Variants in ZNF831 observed in about 807,000 individuals in gnomAD.
The protein encoded by ZNF831 is zinc finger protein 831, also known as chromosome 20 open reading frame 174.
A neutral mutation model predicts 95.8 loss-of-function variants in ZNF831; 59 were observed. The observed-to-expected ratio is 0.62, with a 90% CI of 0.50 to 0.77. The LOEUF is 0.77. ZNF831 is among the 30% of genes least tolerant of loss of function. The pLI, the probability that ZNF831 is intolerant of heterozygous loss-of-function variation, is 0.00. For synonymous variants in ZNF831, 961 were observed against 925.5 expected, an observed-to-expected ratio of 1.04 and a Z score of -0.70; for missense variants, 2,205 against 2,164.0, an observed-to-expected ratio of 1.02 and a Z score of -0.38.
In ZNF831 at chr20:59,258,956, C is replaced by T. The variant is rs932216818; in HGVS notation, c.*4213C>T. On this transcript the variant is annotated 3_prime_UTR_variant, in exon 6 of 6. Coordinates refer to ENST00000371030, the MANE Select transcript of ZNF831 (RefSeq NM_178457.3). ...TGCCACTTGGAGCACTAGAGGATGA[C>T]GGAATGTCTTGTATATGCGGTCAAC... 1.3e-5 allele frequency: 2 copies of T among 152,180 alleles called. No homozygotes were observed. Among genetic ancestry groups the T allele is most frequent in the Non-Finnish European group, 2.9e-5 (2 of 68,034 alleles). The allele number at this position is 152,180 out of a possible 1,614,324, so 9.4% of individuals were successfully genotyped here.
chr20:59,234,111 T>G (rs1986879128), intron 4 of ZNF831, among the ~76,000 whole-genome samples: 1 of 152,244 alleles, frequency 6.6e-6, no homozygotes, highest in African/African-American at 2.4e-5. Context: ...AGGGGTGCAG[T>G]GCTGTTGGCA....
chr20:59,200,845 T>C (rs962392950), intron 3 of ZNF831, among the ~76,000 whole-genome samples: 3 of 152,128 alleles, frequency 2.0e-5, no homozygotes, highest in African/African-American at 4.8e-5. Context: ...TAGTATGCCA[T>C]TGAGTGAGTA....
chr20:59,230,804 T>C (rs775221681), intron 4 of ZNF831, among the ~76,000 whole-genome samples: 1 of 152,228 alleles, frequency 6.6e-6, no homozygotes, highest in Non-Finnish European at 1.5e-5. Context: ...CACATTACCA[T>C]GGTATTAAGT....
chr20:59,157,091 T>C (rs982970174), intron 2 of ZNF831, among the ~76,000 whole-genome samples: 3 of 152,162 alleles, frequency 2.0e-5, no homozygotes, highest in Non-Finnish European at 4.4e-5. Flanking sequence ...CTGATTATAC[T>C]CTTTTAATTT....
At chr20:59,239,437 G>A (rs534448081) in intron 4 of ZNF831, among the ~76,000 whole-genome samples, 23 of 151,980 alleles carry the variant, frequency 1.5e-4, no homozygotes, top group East Asian at 5.8e-4. Context: ...AAGATTTCTC[G>A]AATACATTTT....
intron 4 of ZNF831, among the ~76,000 whole-genome samples, chr20:59,249,017 C>T (rs186070959): frequency 1.1e-4 from 16 of 152,332 alleles, no homozygotes; most frequent in African/African-American, 3.8e-4. Context: ...CATCATCTTG[C>T]CCCTGCCCCT....
chr20:59,166,111 T>C (rs986152431), intron 1 of ZNF831, among the ~76,000 whole-genome samples: 2 of 152,166 alleles, frequency 1.3e-5, no homozygotes, highest in Non-Finnish European at 2.9e-5. Flanking sequence ...TTTCCAGATA[T>C]GGTAAATGGT....
At chr20:59,230,990 A>G (rs1156317268) in intron 4 of ZNF831, among the ~76,000 whole-genome samples, 1 of 152,032 alleles carries the variant, frequency 6.6e-6, no homozygotes, top group African/African-American at 2.4e-5. Flanking sequence ...TGCTCTCTTC[A>G]CCATAGGTTT....
chr20:59,194,249 G>A lies in ZNF831; in HGVS notation c.3230G>A (p.Arg1077His), dbSNP rs748163220. The A allele has an allele frequency of 2.8e-5, 45 of 1,613,888 alleles. No homozygotes were observed. In the East Asian group the frequency reaches 8.9e-4, roughly 32 times the overall value. Residue 1077 changes from arginine to histidine, a missense_variant, in exon 2 of 6, where the codon CGC (arginine) becomes CAC (histidine). By Grantham distance (29) the Arg-to-His change is conservative (BLOSUM62 0). Transcript: ENST00000371030. ...DMEGDSHRIH[R>H]LCMGSTLARA... ...GAGGGTGACAGCCACCGTATCCATC[G>A]CCTCTGCATGGGCAGCACTTTGGCA...
At position 59,154,453 on chromosome 20, in the gene ZNF831, C is replaced by G. The variant is rs1601305577; in HGVS notation, c.-1280-5199C>G. Among the ~76,000 whole-genome samples the G allele has an allele frequency of 2.0e-5, 3 of 152,310 alleles. 1 individual carries two copies. In the South Asian group the frequency reaches 6.2e-4, roughly 32 times the overall value. On this transcript the variant is annotated intron_variant, in intron 2 of 7. Coordinates refer to the ZNF831 transcript ENST00000637017. ...GCCGAAGCGGTCTCTACCCCAATCC[C>G]CTGCGATTGGTACCTCCTTTTCCTT... is the stretch of plus-strand genomic sequence containing the variant.
rs58754928 is a variant in ZNF831 at position 59,150,882 on chromosome 20, C to T, written c.-1281+4508C>T. Among the ~76,000 whole-genome samples the T allele has an allele frequency of 1.9e-3, 296 of 152,206 alleles. 2 individuals carry two copies. The highest frequency in any genetic ancestry group is 3.1e-3 in the Non-Finnish European group (214 of 68,006). ...ACTCGCTGGCTGTGGGCGGGCGGGC[C>T]GTGCCAGCTTCAGAGGAGCAGTAAT... On this transcript the variant is annotated intron_variant, in intron 2 of 7. Transcript: ENST00000637017.
chr20:59,137,589 G>A (rs184897295), intron 1 of ZNF831, among the ~76,000 whole-genome samples: 2 of 152,272 alleles, frequency 1.3e-5, no homozygotes, highest in African/African-American at 4.8e-5. Flanking sequence ...ACAGGGTTAG[G>A]GATTCTTGTG....
At chr20:59,173,022 A>C (rs929091310) in intron 1 of ZNF831, among the ~76,000 whole-genome samples, 1 of 152,172 alleles carries the variant, frequency 6.6e-6, no homozygotes, top group Non-Finnish European at 1.5e-5. Flanking sequence ...GGTTCTGAGA[A>C]GGATCAGTAT....
At position 59,192,664 on chromosome 20, in the gene ZNF831, A is replaced by G. The variant is rs529368847; in HGVS notation, c.1645A>G (p.Ser549Gly). ...PARLGCRSGL[S>G]STDVPSGHPR... ...CCGCCTGGGCTGCCGCTCGGGACTA[A>G]GCTCGACTGACGTTCCCAGTGGGCA... Residue 549 changes from serine (S) to glycine (G), a missense_variant, in exon 2 of 6, where the codon AGC (serine) becomes GGC (glycine). By Grantham distance (56) the Ser-to-Gly change is moderately conservative. Transcript: ENST00000371030. The surrounding 1 kb of genome is among the most constrained non-coding windows in gnomAD (Gnocchi z 5.2). 186 of 1,537,922 alleles carry G rather than the reference A, an allele frequency of 1.2e-4. 1 individual carries two copies. In the South Asian group the frequency reaches 1.5e-3, roughly 13 times the overall value.
chr20:59,191,328 C>G lies in ZNF831; in HGVS notation c.309C>G (p.Thr103=), dbSNP rs147425916. The G allele has an allele frequency of 8.0e-3, 12,814 of 1,602,942 alleles. 91 individuals carry two copies. Among genetic ancestry groups the G allele is most frequent in the Non-Finnish European group, 8.7e-3 (10,195 of 1,174,892 alleles). The change falls in exon 2 of 6, where the codon ACC becomes ACG. Residue 103 remains threonine, a synonymous_variant. Transcript: ENST00000371030. The part of the protein sequence containing the change: ...PVLQPEGPGP[T]QVGKPAAPTL... ...TGCAGCCTGAAGGGCCTGGCCCCAC[C>G]CAGGTGGGGAAGCCGGCGGCCCCTA...
chr20:59,191,718 G>T lies in ZNF831; in HGVS notation c.699G>T (p.Arg233Ser). The change falls in exon 2 of 6, where the codon AGG (arginine) becomes AGT (serine). Residue 233 changes from arginine to serine, a missense_variant. Physicochemically the swap from Arg to Ser is moderately radical, Grantham distance 110. Coordinates refer to ENST00000371030, the MANE Select transcript of ZNF831 (RefSeq NM_178457.3). ...PPRPEGRGES[R>S]CQGMHEGASE... ...GACCAGAGGGCAGGGGCGAGAGCAG[G>T]TGCCAGGGGATGCACGAAGGCGCCT... 1 of 1,580,110 alleles carries T rather than the reference G, an allele frequency of 6.3e-7. No homozygotes were observed.
chr20:59,199,745 C>T (rs1215943157), intron 3 of ZNF831, among the ~76,000 whole-genome samples: 2 of 152,032 alleles, frequency 1.3e-5, no homozygotes, highest in Non-Finnish European at 2.9e-5. Flanking sequence ...AAATATGTTT[C>T]CAAGTCTATT....
chr20:59,147,256 G>A lies in ZNF831; in HGVS notation c.-1281+882G>A, dbSNP rs945131904. 7.2e-5 allele frequency among the ~76,000 whole-genome samples: 11 copies of A among 152,364 alleles called. No homozygotes were observed. In the South Asian group the frequency reaches 1.4e-3, roughly 20 times the overall value. On this transcript the variant is annotated intron_variant, in intron 2 of 7. Coordinates refer to the ZNF831 transcript ENST00000637017. ...GATCTATTTTTAGTTTCCAAGATCT[G>A]CTGTTACATTTTGCCTGGCATTAAT... is the stretch of plus-strand genomic sequence containing the variant.
At position 59,254,130 on chromosome 20, in the gene ZNF831, C is replaced by T. The variant is rs146102249; in HGVS notation, c.4421C>T (p.Ser1474Phe). The change falls in exon 6 of 6, where the codon TCC (serine) becomes TTC (phenylalanine). Residue 1474 changes from serine (S) to phenylalanine (F), a missense_variant. Coordinates refer to ENST00000371030, the MANE Select transcript of ZNF831 (RefSeq NM_178457.3). The surrounding 1 kb of genome is among the most constrained non-coding windows in gnomAD (Gnocchi z 4.5). Reference protein sequence around the residue: ...YIFSDAQRPSSFGSKGTFPHH... With the variant: ...YIFSDAQRPSFFGSKGTFPHH... ...TTCTCAGATGCTCAAAGGCCTTCTT[C>T]CTTTGGGTCCAAAGGAACTTTTCCC... The T allele has an allele frequency of 1.9e-6, 3 of 1,614,018 alleles. No homozygotes were observed. Among genetic ancestry groups the T allele is most frequent in the Non-Finnish European group, 2.5e-6 (3 of 1,180,042 alleles).
Sources: gnomAD v4.1 joint callset for allele counts (sites outside exome capture counted in the v4.1 genomes callset) on GRCh38, gnomAD v4.1.1 for gene constraint, Gnocchi (gnomAD v3.1) non-coding constraint, MANE v1.5 for transcripts, NCBI Gene and HGNC (gene_info 2026-07-23, HGNC 2026-07-21) for gene names.